Variants in DISC1 observed in about 807,000 individuals in gnomAD.
DISC1 encodes disrupted in schizophrenia 1 protein.
A neutral mutation model predicts 84.5 loss-of-function variants in DISC1; 57 were observed. That is an observed-to-expected ratio of 0.67 (90% CI 0.55 to 0.84). The LOEUF (loss-of-function observed/expected upper bound fraction) is 0.84, where lower values mean the gene tolerates loss of function less well. Among genes scored for constraint, DISC1 ranks in the 40% least tolerant of loss-of-function variants. DISC1 has a pLI of 0.00. For missense variants in DISC1, 1,000 were observed against 1,057.8 expected (o/e 0.95, Z 0.76); for synonymous variants, 411 against 415.2 (o/e 0.99, Z 0.12).
At chr1:231,814,549 C>T (rs1254251084) in intron 8 of DISC1, among the ~76,000 whole-genome samples, 9 of 152,152 alleles carry the variant, frequency 5.9e-5, no homozygotes, top group East Asian at 1.9e-4. Context: ...CTGAGTCTTC[C>T]GAAACACATT....
chr1:231,850,587 G>A (rs1339616417), intron 9 of DISC1, among the ~76,000 whole-genome samples: 4 of 152,228 alleles, frequency 2.6e-5, no homozygotes, highest in African/African-American at 4.8e-5. Context: ...GATCCTGTAC[G>A]AATGCAACCT....
intron 8 of DISC1, among the ~76,000 whole-genome samples, chr1:231,814,602 C>A (rs1360085824): frequency 3.3e-5 from 5 of 152,194 alleles, no homozygotes; most frequent in Non-Finnish European, 7.3e-5. Context: ...CACACGTCAT[C>A]ATCCTGTGAA....
chr1:231,892,108 A>G (rs1311954738), intron 9 of DISC1, among the ~76,000 whole-genome samples: 1 of 152,204 alleles, frequency 6.6e-6, no homozygotes, highest in East Asian at 1.9e-4. Flanking sequence ...TGCTCTACCA[A>G]GAGAAAAATG....
chr1:231,801,887 C>T lies in DISC1; in HGVS notation c.1792+1677C>T, dbSNP rs560765017. Reference sequence around the variant, plus strand: ...AGGCTAGAGTGCAATGGCGCGATCTCGGCTCACTGCAAGCTCTGCCTCCTG... The same window carrying T: ...AGGCTAGAGTGCAATGGCGCGATCTTGGCTCACTGCAAGCTCTGCCTCCTG... On this transcript the variant is annotated intron_variant, in intron 8 of 12. Coordinates refer to ENST00000439617, the MANE Select transcript of DISC1 (RefSeq NM_018662.3). Among the ~76,000 whole-genome samples, 54 of 150,934 alleles carry T rather than the reference C, an allele frequency of 3.6e-4. No individual in the cohort carries two copies. In the South Asian group the frequency reaches 9.0e-3, roughly 25 times the overall value.
At chr1:231,907,370 A>G (rs1301670980) in intron 9 of DISC1, among the ~76,000 whole-genome samples, 6 of 151,120 alleles carry the variant, frequency 4.0e-5, no homozygotes, top group African/African-American at 1.2e-4. Context: ...CCTGTGTCCA[A>G]GTGTTCTCAT....
intron 1 of DISC1, among the ~76,000 whole-genome samples, chr1:231,677,373 A>G (rs1477331442): frequency 6.6e-6 from 1 of 152,256 alleles, no homozygotes; most frequent in African/African-American, 2.4e-5. Flanking sequence ...AAAAGGGAGA[A>G]AATTCGTAGC....
intron 4 of DISC1, among the ~76,000 whole-genome samples, chr1:231,760,523 C>G (rs563444706): frequency 5.9e-5 from 9 of 152,292 alleles, no homozygotes; most frequent in African/African-American, 1.7e-4. Context: ...CTCAGGACCG[C>G]ATTTTTCTAA....
chr1:231,860,284 G>A (rs895633510), intron 9 of DISC1, among the ~76,000 whole-genome samples: 1 of 152,088 alleles, frequency 6.6e-6, no homozygotes, highest in Non-Finnish European at 1.5e-5. Context: ...AATAATGCAG[G>A]TTGAGTATCC....
chr1:231,852,191 C>A (rs1318176601), intron 9 of DISC1, among the ~76,000 whole-genome samples: 1 of 152,192 alleles, frequency 6.6e-6, no homozygotes, highest in African/African-American at 2.4e-5. Context: ...GCCTGACTGA[C>A]AAAAACAAAT....
intron 10 of DISC1, among the ~76,000 whole-genome samples, chr1:231,993,349 C>T (rs148880815): frequency 4.6e-5 from 7 of 151,306 alleles, no homozygotes; most frequent in African/African-American, 7.3e-5. Flanking sequence ...GAATAAGAGG[C>T]ATTCACGTTT....
At chr1:231,631,681 T>G in intron 1 of DISC1, among the ~76,000 whole-genome samples, 1 of 152,030 alleles carries the variant, frequency 6.6e-6, no homozygotes, top group East Asian at 1.9e-4. Flanking sequence ...AAAAATATTT[T>G]TGTACAGCTG....
intron 9 of DISC1, among the ~76,000 whole-genome samples, chr1:231,937,896 T>G: frequency 6.6e-6 from 1 of 152,074 alleles, no homozygotes; most frequent in East Asian, 1.9e-4. Flanking sequence ...TTCTTCAAGC[T>G]TTCTTGGCAG....
At chr1:231,792,443 C>T (rs1210243390) in intron 6 of DISC1, among the ~76,000 whole-genome samples, 2 of 152,152 alleles carry the variant, frequency 1.3e-5, no homozygotes, top group Non-Finnish European at 2.9e-5. Context: ...GGATCTACTA[C>T]CTATCTGAAT....
intron 9 of DISC1, among the ~76,000 whole-genome samples, chr1:231,957,292 CT>C (rs1445320012): frequency 6.6e-6 from 1 of 152,224 alleles, no homozygotes; most frequent in African/African-American, 2.4e-5. Context: ...TCTTCCCTCC[CT>C]CCGCAAACTT....
At chr1:231,928,157 G>A (rs939587452) in intron 9 of DISC1, among the ~76,000 whole-genome samples, 4 of 152,188 alleles carry the variant, frequency 2.6e-5, no homozygotes, top group Admixed American at 2.6e-4. Context: ...GGCCCTGAAA[G>A]GCATAGAAAA....
At chr1:231,982,266 A>G (rs953753096) in intron 10 of DISC1, among the ~76,000 whole-genome samples, 1 of 152,146 alleles carries the variant, frequency 6.6e-6, no homozygotes, top group African/African-American at 2.4e-5. Context: ...AATCAGCAGC[A>G]TTAGGGTTGG....
intron 6 of DISC1, chr1:231,771,537 T>C (rs985925936): frequency 1.0e-6 from 1 of 985,330 alleles, no homozygotes; most frequent in African/African-American, 1.7e-5. Flanking sequence ...TAAAATGTAT[T>C]GGGTGCTTAC....
chr1:231,661,905 C>T (rs1267868057), intron 1 of DISC1, among the ~76,000 whole-genome samples: 1 of 152,148 alleles, frequency 6.6e-6, no homozygotes, highest in Non-Finnish European at 1.5e-5. Context: ...AGGTTGCTGG[C>T]CTTTCAATAG....
chr1:231,697,522 C>T (rs922832324), intron 2 of DISC1, among the ~76,000 whole-genome samples: 1 of 151,830 alleles, frequency 6.6e-6, no homozygotes. Context: ...TCACTGCAAC[C>T]TTGAACTCCT....
Sources: allele counts gnomAD v4.1 joint callset (sites outside exome capture counted in the v4.1 genomes callset), GRCh38; gene constraint gnomAD v4.1.1; transcripts MANE v1.5; gene names NCBI Gene and HGNC (gene_info 2026-07-23, HGNC 2026-07-21).